OPRM1: variants seen among roughly 807,000 people sequenced by gnomAD.
The protein encoded by OPRM1 is mu-type opioid receptor.
In OPRM1, 27 loss-of-function variants were observed where a neutral mutation model predicts 31.8. That is an observed-to-expected ratio of 0.85 (90% CI 0.63 to 1.17). The LOEUF is 1.17. OPRM1 is among the 50% of genes most tolerant of loss of function. The probability of loss-of-function intolerance (pLI) is 0.00; values close to 1 mark genes in which losing one functional copy is unlikely to be tolerated. For missense variants in OPRM1, 536 were observed against 511.1 expected, an observed-to-expected ratio of 1.05 and a Z score of -0.47; for synonymous variants, 196 against 189.9, an observed-to-expected ratio of 1.03 and a Z score of -0.26.
chr6:154,225,505 G>A (rs186631095), intron 3 of OPRM1, among the ~76,000 whole-genome samples: 2 of 152,250 alleles, frequency 1.3e-5, no homozygotes, highest in Non-Finnish European at 2.9e-5. Context: ...CTCATCTCTC[G>A]TATGATTCAA....
chr6:154,226,179 C>G (rs1347674029), intron 3 of OPRM1, among the ~76,000 whole-genome samples: 1 of 152,162 alleles, frequency 6.6e-6, no homozygotes, highest in Non-Finnish European at 1.5e-5. Flanking sequence ...CATACACACC[C>G]TCATGGCTCC....
chr6:154,237,870 CAA>C (rs141698322), intron 3 of OPRM1, among the ~76,000 whole-genome samples: 20,855 of 151,958 alleles, frequency 0.14, 1,622 homozygotes, highest in Non-Finnish European at 0.18. Context: ...ATATATGTGT[CAA>C]TACTTATACA....
chr6:154,233,456 C>A (rs914435152), intron 3 of OPRM1, among the ~76,000 whole-genome samples: 4 of 151,906 alleles, frequency 2.6e-5, no homozygotes, highest in African/African-American at 9.7e-5. Flanking sequence ...CTAACATTAC[C>A]CTATGAATAT....
chr6:154,202,942 G>A (rs765952309), intron 3 of OPRM1, among the ~76,000 whole-genome samples: 1 of 152,174 alleles, frequency 6.6e-6, no homozygotes, highest in Non-Finnish European at 1.5e-5. Flanking sequence ...TCAGGTCAGG[G>A]GGAGTTTTCA....
At chr6:154,022,209 T>C (rs1023891081) in intron 1 of OPRM1, among the ~76,000 whole-genome samples, 17 of 152,234 alleles carry the variant, frequency 1.1e-4, no homozygotes, top group Admixed American at 2.0e-4. Context: ...TGTTAGATGC[T>C]TTTTCTGCAT....
In OPRM1 at chr6:154,087,347, C is replaced by A. The variant is rs896248250; in HGVS notation, c.291-2479C>A. The A allele has an allele frequency of 2.4e-5, 24 of 985,324 alleles. No individual in the cohort carries two copies. The African/African-American group carries it at 4.2e-4, about 17-fold the overall frequency. The allele number at this position is 985,324 out of a possible 1,614,324, so 61.0% of individuals were successfully genotyped here. A position where few individuals can be genotyped will look rare whatever the true frequency, so the allele number is the denominator to read the frequency against. On this transcript the variant is annotated intron_variant, in intron 1 of 3. Coordinates refer to ENST00000330432, the MANE Select transcript of OPRM1 (RefSeq NM_000914.5). ...TCAGTCCTAAACAAAGGGCCTCCAA[C>A]CAACAGCTGTCTTGGGCTGAATGAG...
Position 154,063,560 on chromosome 6 carries a change from A to G in OPRM1, c.290+23726A>G, listed in dbSNP as rs141050645. Reference sequence around the variant, plus strand: ...CAATTCAGTGGTCTGAAGTACATCCATGTCATTGTGCAATCATTAGTATCA... The same window carrying G: ...CAATTCAGTGGTCTGAAGTACATCCGTGTCATTGTGCAATCATTAGTATCA... On this transcript the variant is annotated intron_variant, in intron 1 of 3. Coordinates refer to ENST00000330432, the MANE Select transcript of OPRM1 (RefSeq NM_000914.5). Among the ~76,000 whole-genome samples the G allele has an allele frequency of 1.3e-3, 195 of 152,080 alleles. 1 individual carries two copies. The highest frequency in any genetic ancestry group is 4.5e-3 in the African/African-American group (187 of 41,558).
chr6:154,175,753 G>C (rs1182538800), intron 3 of OPRM1, among the ~76,000 whole-genome samples: 2 of 152,178 alleles, frequency 1.3e-5, no homozygotes, highest in Non-Finnish European at 2.9e-5. Context: ...ACAAAGAGGA[G>C]CTGGTACCAT....
intron 3 of OPRM1, among the ~76,000 whole-genome samples, chr6:154,174,012 A>G (rs573371332): frequency 6.6e-6 from 1 of 152,348 alleles, no homozygotes; most frequent in African/African-American, 2.4e-5. Flanking sequence ...AGTGGGGGCC[A>G]ATATTCAACA....
downstream of OPRM1, among the ~76,000 whole-genome samples, chr6:154,134,607 C>T (rs1308109826): frequency 6.6e-6 from 1 of 152,096 alleles, no homozygotes; most frequent in African/African-American, 2.4e-5. Flanking sequence ...ATCCAGAAGC[C>T]ACACTGAGGA....
chr6:154,029,818 G>GT (rs934487763), intron 1 of OPRM1, among the ~76,000 whole-genome samples: 1 of 152,068 alleles, frequency 6.6e-6, no homozygotes, highest in Non-Finnish European at 1.5e-5. Context: ...TTATAGGAGG[G>GT]TTTTTCCCCC....
chr6:154,188,167 TA>T (rs1355139412), intron 3 of OPRM1, among the ~76,000 whole-genome samples: 1 of 152,210 alleles, frequency 6.6e-6, no homozygotes, highest in African/African-American at 2.4e-5. Context: ...GTTTGATTCT[TA>T]AAAATGCATT....
chr6:154,105,054 A>C (rs933618382), intron 3 of OPRM1, among the ~76,000 whole-genome samples: 2 of 152,260 alleles, frequency 1.3e-5, no homozygotes, highest in African/African-American at 2.4e-5. Context: ...AATTCCTTAA[A>C]GGAAAACACA....
chr6:154,039,126 T>C, upstream of OPRM1: 1 of 1,534,280 alleles, frequency 6.5e-7, no homozygotes, highest in Non-Finnish European at 8.8e-7. Flanking sequence ...ACTCTATCTC[T>C]CTCCCCAACC....
chr6:154,205,971 C>T lies in OPRM1; in HGVS notation c.1165-40722C>T, dbSNP rs73567159. 3.6e-3 allele frequency among the ~76,000 whole-genome samples: 541 copies of T among 152,202 alleles called. 4 individuals are homozygous for T. Among genetic ancestry groups the T allele is most frequent in the African/African-American group, 0.012 (519 of 41,528 alleles). On this transcript the variant is annotated intron_variant, in intron 3 of 3. Coordinates refer to the OPRM1 transcript ENST00000337049. Reference sequence around the variant, plus strand: ...CAGCCTTCCCCAGCTGCTGCTAGGCCTGAAACTAATGGCTTACATCTGAGG... The same window carrying T: ...CAGCCTTCCCCAGCTGCTGCTAGGCTTGAAACTAATGGCTTACATCTGAGG...
chr6:154,116,736 A>G (rs1445713053), intron 3 of OPRM1, among the ~76,000 whole-genome samples: 1 of 152,170 alleles, frequency 6.6e-6, no homozygotes, highest in Non-Finnish European at 1.5e-5. Flanking sequence ...TTAAAGTATA[A>G]GGTCCCACAT....
chr6:154,198,664 A>ACACACACAC (rs1554292213), intron 3 of OPRM1, among the ~76,000 whole-genome samples: 4 of 150,150 alleles, frequency 2.7e-5, no homozygotes, highest in South Asian at 2.1e-4. Flanking sequence ...ACACACACAC[A>ACACACACAC]ACTTGTTCTG....
At chr6:154,160,051 A>T (rs746516519) in intron 3 of OPRM1, 8 of 1,599,040 alleles carry the variant, frequency 5.0e-6, no homozygotes, top group Non-Finnish European at 6.8e-6. Context: ...CTGTGTGAGT[A>T]GAAAAAAAGG....
At chr6:154,208,227 T>C (rs973232040) in intron 3 of OPRM1, among the ~76,000 whole-genome samples, 9 of 152,100 alleles carry the variant, frequency 5.9e-5, no homozygotes, top group Admixed American at 5.2e-4. Context: ...TACTCTCATC[T>C]TGGTTCACCC....
Sources: allele counts gnomAD v4.1 joint callset (sites outside exome capture counted in the v4.1 genomes callset), GRCh38; gene constraint gnomAD v4.1.1; transcripts MANE v1.5; gene names NCBI Gene and HGNC (gene_info 2026-07-23, HGNC 2026-07-21).